Variants in RORA observed in about 807,000 individuals in gnomAD.
RORA encodes the protein RAR related orphan receptor A.
A neutral mutation model predicts 69.5 loss-of-function variants in RORA; 7 were observed. That is an observed-to-expected ratio of 0.10 (90% CI 0.06 to 0.19). RORA has a LOEUF of 0.19. Ranked by LOEUF, RORA falls within the 10% of genes least tolerant of loss-of-function variation. The pLI, the probability that RORA is intolerant of heterozygous loss-of-function variation, is 1.00. For synonymous variants in RORA, 261 were observed against 240.8 expected (o/e 1.08, Z -0.78); for missense variants, 457 against 663.0 (o/e 0.69, Z 3.41).
chr15:60,611,117 G>C lies in RORA; in HGVS notation c.196+67540C>G, dbSNP rs12905398. On this transcript the variant is annotated intron_variant, in intron 2 of 10. Transcript: ENST00000335670. The stretch of plus-strand genomic sequence containing the variant: ...AAGTTAAAGGGAATTTGCATTTGGA[G>C]GTAAATAAAATTTCTATTGCCGCTC... 3.6e-3 allele frequency among the ~76,000 whole-genome samples: 549 copies of C among 152,256 alleles called. 2 individuals carry two copies. Among genetic ancestry groups the C allele is most frequent in the Non-Finnish European group, 6.7e-3 (455 of 68,018 alleles).
chr15:60,970,673 T>C (rs1044703952), intron 1 of RORA, among the ~76,000 whole-genome samples: 2 of 152,210 alleles, frequency 1.3e-5, no homozygotes, highest in African/African-American at 2.4e-5. Flanking sequence ...CAATTTCTCA[T>C]AGTATCCCTT....
At position 61,229,240 on chromosome 15, in the gene RORA, C is replaced by G. The variant is rs1329848706; in HGVS notation, c.-22G>C. The G allele has an allele frequency of 1.6e-6, 2 of 1,258,798 alleles. No individual in the cohort carries two copies. The highest frequency in any genetic ancestry group is 1.4e-5 in the South Asian group (1 of 70,292). 78.0% of individuals were successfully genotyped at this position (1,258,798 alleles called of 1,614,324 possible). ...CCATGTTTTTTCCCAATGTAGAGAT[C>G]GCTGGAGATGGCGAGCTCCGAGACT... On this transcript the variant is annotated 5_prime_UTR_variant, in exon 1 of 11. Transcript: ENST00000335670.
chr15:60,507,611 G>C (rs376512493), intron 5 of RORA, among the ~76,000 whole-genome samples: 2 of 152,178 alleles, frequency 1.3e-5, no homozygotes, highest in South Asian at 4.1e-4. Flanking sequence ...TGACGCTGGA[G>C]AATAGGTGAG....
chr15:60,808,757 C>A (rs543151614), intron 1 of RORA, among the ~76,000 whole-genome samples: 1 of 150,238 alleles, frequency 6.7e-6, no homozygotes, highest in East Asian at 1.9e-4. Flanking sequence ...ACATTATAAA[C>A]ATATATACAA....
intron 1 of RORA, among the ~76,000 whole-genome samples, chr15:60,850,082 G>A (rs1032193470): frequency 3.3e-5 from 5 of 152,242 alleles, no homozygotes; most frequent in South Asian, 2.1e-4. Context: ...TATAGCTAAC[G>A]CACAGGCTGC....
chr15:60,683,641 T>TATAC (rs1555445512), intron 1 of RORA, among the ~76,000 whole-genome samples: 1 of 47,858 alleles, frequency 2.1e-5, no homozygotes, highest in Non-Finnish European at 3.7e-5. Context: ...TTTACCCAGA[T>TATAC]ACACATACAC....
chr15:61,121,900 C>G (rs1335960314), intron 1 of RORA, among the ~76,000 whole-genome samples: 1 of 149,648 alleles, frequency 6.7e-6, no homozygotes, highest in Non-Finnish European at 1.5e-5. Flanking sequence ...CATATACATA[C>G]TGCAGGTTAT....
intron 3 of RORA, among the ~76,000 whole-genome samples, chr15:60,527,352 C>G (rs1438885225): frequency 6.6e-6 from 1 of 152,242 alleles, no homozygotes; most frequent in Admixed American, 6.5e-5. Flanking sequence ...GATGATTTCT[C>G]AAAAGCAAAC....
At chr15:60,604,342 A>G (rs189582863) in intron 2 of RORA, among the ~76,000 whole-genome samples, 5 of 152,244 alleles carry the variant, frequency 3.3e-5, no homozygotes, top group Admixed American at 3.3e-4. Flanking sequence ...TGGGGTTATA[A>G]ATAAATTTTA....
intron 1 of RORA, among the ~76,000 whole-genome samples, chr15:60,988,610 A>G (rs1894281397): frequency 6.6e-6 from 1 of 152,036 alleles, no homozygotes; most frequent in Non-Finnish European, 1.5e-5. Flanking sequence ...TAGAATTACG[A>G]CTCGCTGCTT....
intron 1 of RORA, among the ~76,000 whole-genome samples, chr15:61,174,133 G>A (rs2140896387): frequency 6.6e-6 from 1 of 152,308 alleles, no homozygotes; most frequent in Middle Eastern, 3.4e-3. Flanking sequence ...CTTTCTGCCA[G>A]GGCTCAAGCC....
At chr15:60,918,204 C>G (rs886775569) in intron 1 of RORA, among the ~76,000 whole-genome samples, 6 of 152,222 alleles carry the variant, frequency 3.9e-5, no homozygotes, top group African/African-American at 1.4e-4. Flanking sequence ...GTCCTGGTTG[C>G]TAACTTAACA....
rs530190582 is a variant in RORA, at chr15:60,927,697, C to T, written c.167-249011G>A. On this transcript the variant is annotated intron_variant, in intron 1 of 10. Transcript: ENST00000335670. ...GCTGAGGCATGAGAATCACTTGAAC[C>T]TGAGAGGTGGAGGTTGCAATGAGCC... Among the ~76,000 whole-genome samples the T allele has an allele frequency of 3.9e-5, 6 of 152,270 alleles. No homozygotes were observed. In the South Asian group the frequency reaches 1.2e-3, roughly 32 times the overall value.
chr15:61,022,909 G>A (rs1276480880), intron 1 of RORA, among the ~76,000 whole-genome samples: 1 of 152,072 alleles, frequency 6.6e-6, no homozygotes, highest in Non-Finnish European at 1.5e-5. Flanking sequence ...GACAGGCCGG[G>A]CACGGTGGCC....
Position 60,518,484 on chromosome 15 carries a change from C to G in RORA, c.283-3727G>C, listed in dbSNP as rs150908355. On this transcript the variant is annotated intron_variant, in intron 3 of 10. Transcript: ENST00000335670. ...GCAGACACTGGAGGGACTGCCCTTGCAGGGCTGGATAACTCCTACATACAG... is the reference window on the plus strand; with the variant it reads ...GCAGACACTGGAGGGACTGCCCTTGGAGGGCTGGATAACTCCTACATACAG... Among the ~76,000 whole-genome samples, 19 of 152,344 alleles carry G rather than the reference C, an allele frequency of 1.2e-4. No homozygotes were observed. The East Asian group carries it at 3.7e-3, about 29-fold the overall frequency.
intron 1 of RORA, among the ~76,000 whole-genome samples, chr15:60,789,900 T>G (rs341451): frequency 9.8e-4 from 150 of 152,288 alleles, no homozygotes; most frequent in African/African-American, 3.5e-3. Context: ...AGGAACTACT[T>G]TGGGGTGCCC....
chr15:60,840,651 T>C (rs1452587800), intron 1 of RORA, among the ~76,000 whole-genome samples: 1 of 152,250 alleles, frequency 6.6e-6, no homozygotes, highest in Non-Finnish European at 1.5e-5. Flanking sequence ...GTCCCGCCAC[T>C]GCTAGGCTGA....
chr15:60,912,601 A>T (rs1301434069), intron 1 of RORA, among the ~76,000 whole-genome samples: 2 of 152,048 alleles, frequency 1.3e-5, no homozygotes, highest in Non-Finnish European at 2.9e-5. Context: ...AAAAATACAA[A>T]AAATTAGCCA....
chr15:60,723,436 T>G (rs1305958539), intron 1 of RORA, among the ~76,000 whole-genome samples: 1 of 151,822 alleles, frequency 6.6e-6, no homozygotes, highest in Non-Finnish European at 1.5e-5. Flanking sequence ...AAATTACTTT[T>G]TTTTTTGAAA....
Sources: gnomAD v4.1 joint callset for allele counts (sites outside exome capture counted in the v4.1 genomes callset) on GRCh38, gnomAD v4.1.1 for gene constraint, MANE v1.5 for transcripts, NCBI Gene and HGNC (gene_info 2026-07-23, HGNC 2026-07-21) for gene names.